DPP10: variants seen among roughly 807,000 people sequenced by gnomAD.
The protein encoded by DPP10 is dipeptidyl peptidase like 10.
In DPP10, 33 loss-of-function variants were observed where a neutral mutation model predicts 120.9. The observed-to-expected ratio is 0.27, with a 90% confidence interval of 0.21 to 0.37. The LOEUF (loss-of-function observed/expected upper bound fraction) is 0.37, where lower values mean the gene tolerates loss of function less well. Among genes scored for constraint, DPP10 ranks in the 10% least tolerant of loss-of-function variants. The pLI is 1.00. For synonymous variants in DPP10, 337 were observed against 326.1 expected (o/e 1.03, Z -0.36); for missense variants, 816 against 942.8 (o/e 0.87, Z 1.76).
intron 5 of DPP10, among the ~76,000 whole-genome samples, chr2:115,632,148 C>T (rs1163610736): frequency 6.6e-6 from 1 of 152,114 alleles, no homozygotes; most frequent in African/African-American, 2.4e-5. Flanking sequence ...TTGAATTGAA[C>T]CCTTTAGCAT....
chr2:115,265,380 T>C (rs1411573969), intron 1 of DPP10, among the ~76,000 whole-genome samples: 1 of 151,906 alleles, frequency 6.6e-6, no homozygotes, highest in African/African-American at 2.4e-5. Context: ...TAAACAGTTA[T>C]TATTAGGCAC....
chr2:115,144,081 C>T (rs1289827847), intron 1 of DPP10: 1 of 152,164 alleles, frequency 6.6e-6, no homozygotes, highest in African/African-American at 2.4e-5. Context: ...CAACATTTAA[C>T]ACAGTGAAAG....
At chr2:114,641,948 T>C (rs1695739850) in intron 1 of DPP10, among the ~76,000 whole-genome samples, 1 of 151,870 alleles carries the variant, frequency 6.6e-6, no homozygotes, top group Admixed American at 6.6e-5. Context: ...ACTTTTTCAC[T>C]TTTAAAAAAA....
intron 21 of DPP10, among the ~76,000 whole-genome samples, chr2:115,833,829 T>C (rs190309311): frequency 4.7e-4 from 72 of 152,230 alleles, no homozygotes; most frequent in Non-Finnish European, 7.8e-4. Flanking sequence ...TTTAAAAGAA[T>C]CCAAAAATCG....
At chr2:115,158,825 T>C (rs1465603742) in intron 1 of DPP10, among the ~76,000 whole-genome samples, 4 of 152,204 alleles carry the variant, frequency 2.6e-5, no homozygotes, top group African/African-American at 4.8e-5. Context: ...AAATAGATTT[T>C]TGTATTCAGA....
chr2:115,837,766 A>C (rs1689681716), intron 24 of DPP10, among the ~76,000 whole-genome samples: 1 of 152,100 alleles, frequency 6.6e-6, no homozygotes, highest in African/African-American at 2.4e-5. Context: ...ACCATGAGAA[A>C]ACCATCAGGC....
intron 5 of DPP10, among the ~76,000 whole-genome samples, chr2:115,665,319 G>A (rs571223375): frequency 6.6e-6 from 1 of 152,052 alleles, no homozygotes; most frequent in East Asian, 1.9e-4. Flanking sequence ...TTAACATATT[G>A]CATCCAATCT....
rs137890830 is a variant in DPP10 at position 114,586,802 on chromosome 2, A to G, written c.60+143964A>G. On this transcript the variant is annotated intron_variant, in intron 1 of 25. Coordinates refer to ENST00000410059, the MANE Select transcript of DPP10 (RefSeq NM_020868.6). The stretch of plus-strand genomic sequence containing the variant: ...TCTCTTAGTTCCCATGAGAGTTCCC[A>G]AAGAACTGATTGTTAAAAAGAGCTT... Among the ~76,000 whole-genome samples, 557 of 152,286 alleles carry G rather than the reference A, an allele frequency of 3.7e-3. 2 individuals are homozygous for G. The highest frequency in any genetic ancestry group is 0.013 in the African/African-American group (525 of 41,540).
intron 2 of DPP10, among the ~76,000 whole-genome samples, chr2:115,340,936 A>G (rs1251629170): frequency 3.3e-5 from 5 of 152,100 alleles, no homozygotes; most frequent in African/African-American, 1.2e-4. Context: ...TTCTCTAAAA[A>G]TTGAAGGGAT....
chr2:114,483,069 T>C (rs1259360771), intron 1 of DPP10, among the ~76,000 whole-genome samples: 1 of 152,184 alleles, frequency 6.6e-6, no homozygotes, highest in Non-Finnish European at 1.5e-5. Flanking sequence ...CAAGTAGCTG[T>C]TTAGTAAACG....
intron 1 of DPP10, among the ~76,000 whole-genome samples, chr2:115,090,912 A>C (rs1709197486): frequency 6.6e-6 from 1 of 151,974 alleles, no homozygotes; most frequent in African/African-American, 2.4e-5. Context: ...CTGGTCGGAG[A>C]TGTCATTTGT....
At chr2:114,813,230 A>T (rs1248446099) in intron 1 of DPP10, among the ~76,000 whole-genome samples, 1 of 152,200 alleles carries the variant, frequency 6.6e-6, no homozygotes, top group African/African-American at 2.4e-5. Flanking sequence ...TATACAATTT[A>T]CTGCAAATAA....
intron 1 of DPP10, among the ~76,000 whole-genome samples, chr2:114,574,635 A>G (rs1689918171): frequency 6.6e-6 from 1 of 152,218 alleles, no homozygotes; most frequent in Non-Finnish European, 1.5e-5. Context: ...AAAGTGAAAA[A>G]TGGTCTCCAT....
intron 2 of DPP10, among the ~76,000 whole-genome samples, chr2:115,339,896 C>G (rs535387951): frequency 6.6e-6 from 1 of 152,006 alleles, no homozygotes; most frequent in African/African-American, 2.4e-5. Context: ...GATGCAGTTG[C>G]GTAGAACTAA....
At position 114,502,145 on chromosome 2, in the gene DPP10, G is replaced by A. The variant is rs377526359; in HGVS notation, c.60+59307G>A. Among the ~76,000 whole-genome samples the A allele has an allele frequency of 4.4e-4, 67 of 151,812 alleles. 2 individuals are homozygous for A. Among genetic ancestry groups the A allele is most frequent in the African/African-American group, 1.4e-3 (57 of 41,384 alleles). On this transcript the variant is annotated intron_variant, in intron 1 of 25. Transcript: ENST00000410059. ...TTTATTTTATTTTTTTAGTAGAGAC[G>A]GGGTTTATCATATTGGCCAGGCTGG...
At chr2:114,455,737 T>A (rs533466238) in intron 1 of DPP10, among the ~76,000 whole-genome samples, 8 of 151,694 alleles carry the variant, frequency 5.3e-5, no homozygotes, top group East Asian at 1.9e-4. Flanking sequence ...TTGTTTTTTT[T>A]TTTTTTTACC....
chr2:115,075,628 T>G (rs969352475), intron 1 of DPP10, among the ~76,000 whole-genome samples: 7 of 152,152 alleles, frequency 4.6e-5, no homozygotes, highest in African/African-American at 1.2e-4. Context: ...GAATCTCTGA[T>G]AGCAGTTTTC....
At chr2:115,255,210 G>A (rs1270451986) in intron 1 of DPP10, among the ~76,000 whole-genome samples, 1 of 152,172 alleles carries the variant, frequency 6.6e-6, no homozygotes, top group East Asian at 1.9e-4. Flanking sequence ...GCACCTGCAG[G>A]CTCAACACCA....
intron 5 of DPP10, among the ~76,000 whole-genome samples, chr2:115,531,509 G>A (rs535995462): frequency 1.5e-4 from 23 of 151,890 alleles, no homozygotes; most frequent in Non-Finnish European, 2.6e-4. Flanking sequence ...TGGATTTAAC[G>A]TCCAACTGTT....
Sources: gnomAD v4.1 joint callset for allele counts (sites outside exome capture counted in the v4.1 genomes callset) on GRCh38, gnomAD v4.1.1 for gene constraint, MANE v1.5 for transcripts, NCBI Gene and HGNC (gene_info 2026-07-23, HGNC 2026-07-21) for gene names.